The following RELB variants were observed in gnomAD, a reference collection of about 807,000 sequenced individuals.
RELB encodes the protein RELB proto-oncogene, NF-kB subunit.
Under a neutral mutation model 55.4 loss-of-function variants are expected in RELB, and 14 were observed. That is an observed-to-expected ratio of 0.25 (90% CI 0.17 to 0.40). The LOEUF is 0.40. Ranked by LOEUF, RELB falls within the 10% of genes least tolerant of loss-of-function variation. The pLI, the probability that RELB is intolerant of heterozygous loss-of-function variation, is 1.00. For missense variants in RELB, 669 were observed against 830.7 expected, an observed-to-expected ratio of 0.81 and a Z score of 2.39; for synonymous variants, 409 against 371.3, an observed-to-expected ratio of 1.10 and a Z score of -1.17.
Position 45,017,254 on chromosome 19 carries a change from G to A in RELB, c.505-4799G>A, listed in dbSNP as rs538303131. Among the ~76,000 whole-genome samples, 280 of 152,194 alleles carry A rather than the reference G, an allele frequency of 1.8e-3. 2 individuals carry two copies. The highest frequency in any genetic ancestry group is 6.3e-3 in the African/African-American group (261 of 41,514). ...CCAAGTGGGACTGGCCCTGCCTAACGGGGCTGGTTTTTATTTGCTGCTGCC... is the reference window on the plus strand; with the variant it reads ...CCAAGTGGGACTGGCCCTGCCTAACAGGGCTGGTTTTTATTTGCTGCTGCC... On this transcript the variant is annotated intron_variant, in intron 4 of 11. Transcript: ENST00000221452.
intron 8 of RELB, among the ~76,000 whole-genome samples, chr19:45,031,639 G>A (rs1291483775): frequency 6.6e-6 from 1 of 151,846 alleles, no homozygotes; most frequent in Non-Finnish European, 1.5e-5. Context: ...GCAGTGGTGC[G>A]ATCTTGGCTC....
chr19:45,021,573 C>CTTTTTTTTT (rs748646881), intron 4 of RELB, among the ~76,000 whole-genome samples: 1 of 91,348 alleles, frequency 1.1e-5, no homozygotes, highest in African/African-American at 4.3e-5. Context: ...TCAAAGTGGC[C>CTTTTTTTTT]TTTTTTTTTT....
At chr19:45,024,305 G>A (rs1184057308) in intron 5 of RELB, among the ~76,000 whole-genome samples, 1 of 151,804 alleles carries the variant, frequency 6.6e-6, no homozygotes, top group African/African-American at 2.4e-5. Context: ...GGGACTACAG[G>A]CACCCGCCAC....
At chr19:45,004,875 C>G (rs1254243015) in intron 2 of RELB, among the ~76,000 whole-genome samples, 1 of 149,826 alleles carries the variant, frequency 6.7e-6, no homozygotes, top group African/African-American at 2.5e-5. Context: ...CTCAAACAAA[C>G]AAACAAAAAA....
At position 45,029,129 on chromosome 19, in the gene RELB, G is replaced by A. The variant is rs1600080070; in HGVS notation, c.991+137G>A. ...CCAGAGTGCAAGGGTCCAGAACACT[G>A]TCTTTGCAGTCAGACACAGCTGATG... On this transcript the variant is annotated intron_variant, in intron 8 of 11. Transcript: ENST00000221452. The A allele has an allele frequency of 1.4e-5, 9 of 632,962 alleles. No individual in the cohort carries two copies. In the East Asian group the frequency reaches 2.5e-4, roughly 18 times the overall value. 39.2% of individuals were successfully genotyped at this position (632,962 alleles called of 1,614,324 possible).
In RELB at chr19:45,022,220, C is replaced by T; in HGVS notation, c.662+10C>T. ...TCAGCCCCCGGCACAGGTACCCACC[C>T]CCTGACCTCCGACCTCTCATCCTTG... On this transcript the variant is annotated intron_variant, in intron 5 of 11. Coordinates refer to ENST00000221452, the MANE Select transcript of RELB (RefSeq NM_006509.4). 1.3e-6 allele frequency: 2 copies of T among 1,584,778 alleles called. No homozygotes were observed. Among genetic ancestry groups the T allele is most frequent in the Non-Finnish European group, 1.7e-6 (2 of 1,168,418 alleles).
chr19:45,037,481 GC>G lies in RELB; in HGVS notation c.1436del (p.Pro479LeufsTer56). On this transcript the variant is annotated frameshift_variant, in exon 12 of 12. Transcript: ENST00000221452. LOFTEE classifies it high-confidence loss of function. ...GCACCGTGTCCCTGCCCGGCCTGGAGCCCCCTGGCGGGCCTGACCTCCTGGA... is the reference window on the plus strand; with the variant it reads ...GCACCGTGTCCCTGCCCGGCCTGGAGCCCCTGGCGGGCCTGACCTCCTGGA... ...SGTVSLPGLEPPGGPDLLDDG... is the reference protein window; with the variant it reads ...SGTVSLPGLEXPGGPDLLDDG... The G allele has an allele frequency of 1.2e-6, 2 of 1,611,416 alleles. No individual in the cohort carries two copies.
At chr19:45,034,939 C>T (rs1434561093) in intron 11 of RELB, among the ~76,000 whole-genome samples, 3 of 151,228 alleles carry the variant, frequency 2.0e-5, no homozygotes, top group African/African-American at 7.3e-5. Context: ...CTCCTGAGTT[C>T]AAGCGATTCT....
At chr19:45,017,479 G>A (rs920505186) in intron 4 of RELB, among the ~76,000 whole-genome samples, 38 of 130,828 alleles carry the variant, frequency 2.9e-4, no homozygotes, top group African/African-American at 1.1e-3. Flanking sequence ...CTGGAAATCC[G>A]AAATAATGTG....
intron 11 of RELB, among the ~76,000 whole-genome samples, chr19:45,037,000 C>T (rs555032445): frequency 2.0e-5 from 3 of 152,168 alleles, no homozygotes; most frequent in African/African-American, 7.2e-5. Flanking sequence ...CACCTAAGGC[C>T]AGGCTTGGTG....
intron 9 of RELB, among the ~76,000 whole-genome samples, chr19:45,033,155 G>T (rs1002574935): frequency 6.6e-6 from 1 of 152,154 alleles, no homozygotes; most frequent in Non-Finnish European, 1.5e-5. Context: ...GGCAGGACTG[G>T]AATGAAGTGC....
chr19:45,025,601 G>C lies in RELB; in HGVS notation c.755-5G>C. 1.9e-6 allele frequency: 3 copies of C among 1,613,318 alleles called. No homozygotes were observed. Among genetic ancestry groups the C allele is most frequent in the Non-Finnish European group, 2.5e-6 (3 of 1,179,772 alleles). On this transcript the variant is annotated splice_region_variant and splice_polypyrimidine_tract_variant and intron_variant, in intron 6 of 11. Coordinates refer to ENST00000221452, the MANE Select transcript of RELB (RefSeq NM_006509.4). ...CCCTCAGCCTCCCCATATCTCCCCC[G>C]ACAGCTGGGTCCCTGAAGAACCATC...
At chr19:45,015,890 G>C (rs1971416029) in intron 4 of RELB, among the ~76,000 whole-genome samples, 1 of 152,088 alleles carries the variant, frequency 6.6e-6, no homozygotes, top group Admixed American at 6.6e-5. Context: ...TTACAGCGGG[G>C]AGCTGGTTAA....
At chr19:45,020,330 C>CA (rs1971468528) in intron 4 of RELB, among the ~76,000 whole-genome samples, 2 of 150,338 alleles carry the variant, frequency 1.3e-5, no homozygotes, top group African/African-American at 4.9e-5. Context: ...CTTAAGTGAT[C>CA]CTCCCACCTC....
At position 45,027,505 on chromosome 19, in the gene RELB, C is replaced by T. The variant is rs535854471; in HGVS notation, c.887-1383C>T. Among the ~76,000 whole-genome samples, 220 of 152,264 alleles carry T rather than the reference C, an allele frequency of 1.4e-3. 2 individuals carry two copies. Among genetic ancestry groups the T allele is most frequent in the African/African-American group, 5.0e-3 (206 of 41,562 alleles). ...GCTTTTAGCTTCTCTTACCTAATAG[C>T]TTTGCTTAAAGTCTCAGGTCTATCT... On this transcript the variant is annotated intron_variant, in intron 7 of 11. Transcript: ENST00000221452.
intron 2 of RELB, among the ~76,000 whole-genome samples, chr19:45,003,920 T>TTTG: frequency 1.1e-5 from 1 of 92,578 alleles, no homozygotes. Context: ...TTTGTGTTTT[T>TTTG]TTTTTTTTTT....
chr19:45,016,293 A>G (rs1971420558), intron 4 of RELB, among the ~76,000 whole-genome samples: 1 of 152,170 alleles, frequency 6.6e-6, no homozygotes, highest in Non-Finnish European at 1.5e-5. Flanking sequence ...CCAAAACTCC[A>G]TATTTTACAC....
intron 11 of RELB, 148 bp from the exon 12 acceptor site, chr19:45,037,257 G>C: frequency 6.9e-6 from 6 of 869,274 alleles, no homozygotes; most frequent in Non-Finnish European, 1.0e-5. Context: ...ACTCCAGCCA[G>C]GGTGACAGAA....
rs768168670 is a variant in RELB at position 45,034,241 on chromosome 19, C to A, written c.1208-3C>A. 17 of 1,612,612 alleles carry A rather than the reference C, an allele frequency of 1.1e-5. No homozygotes were observed. Among genetic ancestry groups the A allele is most frequent in the Admixed American group, 1.7e-5 (1 of 60,002 alleles). On this transcript the variant is annotated splice_polypyrimidine_tract_variant and splice_region_variant and intron_variant, in intron 9 of 11. Coordinates refer to ENST00000221452, the MANE Select transcript of RELB (RefSeq NM_006509.4). ...TTGTGTGTCCCTGGTATCTCCTTAA[C>A]AGACAGCTACGGCGTGGACAAGAAG...
Sources: allele counts gnomAD v4.1 joint callset (sites outside exome capture counted in the v4.1 genomes callset), GRCh38; gene constraint gnomAD v4.1.1; transcripts MANE v1.5; gene names NCBI Gene and HGNC (gene_info 2026-07-23, HGNC 2026-07-21).